Variants in NUP214 observed in about 807,000 individuals in gnomAD.
NUP214 encodes nuclear pore complex protein Nup214.
Under a neutral mutation model 196.2 loss-of-function variants are expected in NUP214, and 79 were observed. That is an observed-to-expected ratio of 0.40 (90% CI 0.34 to 0.49). The LOEUF is 0.49. NUP214 is among the 20% of genes least tolerant of loss of function. The pLI is 0.58. For synonymous variants in NUP214, 1,020 were observed against 990.5 expected (o/e 1.03, Z -0.56); for missense variants, 2,468 against 2,539.0 (o/e 0.97, Z 0.60).
intron 27 of NUP214, 62 bp downstream of exon 27, chr9:131,192,354 A>G (rs1833631254): frequency 1.0e-6 from 1 of 955,006 alleles, no homozygotes; most frequent in South Asian, 1.5e-5. Flanking sequence ...AAATCTTACA[A>G]TTATAGATAT....
At chr9:131,163,665 ATGT>A (rs1832707537) in intron 19 of NUP214, among the ~76,000 whole-genome samples, 2 of 152,154 alleles carry the variant, frequency 1.3e-5, no homozygotes, top group Non-Finnish European at 2.9e-5. Context: ...AGGCACCATC[ATGT>A]TGTGTTTGAG....
chr9:131,150,283 G>A, intron 14 of NUP214, 41 bp from the exon 15 acceptor site: 1 of 1,561,874 alleles, frequency 6.4e-7, no homozygotes, highest in Non-Finnish European at 8.8e-7. Context: ...GCTTGTAGAA[G>A]CTATGACTTG....
At chr9:131,180,036 T>C (rs1406335424) in intron 24 of NUP214, among the ~76,000 whole-genome samples, 6 of 152,252 alleles carry the variant, frequency 3.9e-5, no homozygotes. Flanking sequence ...GAGAAGCACC[T>C]TTTGGAGATT....
chr9:131,228,374 C>A (rs12551337), intron 33 of NUP214, 43 bp downstream of exon 33: 1 of 1,546,860 alleles, frequency 6.5e-7, no homozygotes, highest in Non-Finnish European at 8.7e-7. Flanking sequence ...ACACGCCAGC[C>A]AAAAAGCACT....
chr9:131,225,927 C>G (rs146240903), intron 32 of NUP214, among the ~76,000 whole-genome samples: 1 of 152,316 alleles, frequency 6.6e-6, no homozygotes, highest in East Asian at 1.9e-4. Context: ...GTGGGATGGA[C>G]TGAAGATGGC....
Position 131,150,601 on chromosome 9 carries a change from T to C in NUP214, c.2128-15T>C, listed in dbSNP as rs377525551. The C allele has an allele frequency of 4.8e-5, 77 of 1,609,534 alleles. No homozygotes were observed. The African/African-American group carries it at 7.5e-4, about 16-fold the overall frequency. ...TCCTTCAGACTGAGTAGTTCCTCAC[T>C]TGTGGCTTCTACAGATTGCACACTT... On this transcript the variant is annotated splice_polypyrimidine_tract_variant and intron_variant, in intron 15 of 35. Transcript: ENST00000359428.
chr9:131,216,070 T>C (rs1241909065), intron 31 of NUP214, among the ~76,000 whole-genome samples: 1 of 151,806 alleles, frequency 6.6e-6, no homozygotes, highest in Non-Finnish European at 1.5e-5. Flanking sequence ...GCCTGGCTGA[T>C]TTTTATATTT....
At chr9:131,178,680 G>A (rs550518771) in intron 24 of NUP214, among the ~76,000 whole-genome samples, 5 of 149,388 alleles carry the variant, frequency 3.3e-5, no homozygotes, top group Non-Finnish European at 4.4e-5. Flanking sequence ...TCTCTGTGTG[G>A]TACACATTAG....
chr9:131,209,986 G>T (rs1588169426), intron 30 of NUP214, among the ~76,000 whole-genome samples: 1 of 152,144 alleles, frequency 6.6e-6, no homozygotes, highest in African/African-American at 2.4e-5. Context: ...CTAACCAGAG[G>T]TGAGCTCAGT....
intron 12 of NUP214, among the ~76,000 whole-genome samples, chr9:131,145,517 T>G (rs1389731565): frequency 1.3e-5 from 2 of 152,216 alleles, no homozygotes; most frequent in Non-Finnish European, 2.9e-5. Flanking sequence ...AATACTGAAT[T>G]GGCACACATC....
intron 9 of NUP214, chr9:131,136,639 A>G (rs1226947876): frequency 6.6e-6 from 1 of 152,226 alleles, no homozygotes; most frequent in East Asian, 1.9e-4. Context: ...TATGAAAGAA[A>G]AACATGCAGA....
chr9:131,228,199 CT>C lies in NUP214; in HGVS notation c.5946del (p.Phe1982LeufsTer161). On this transcript the variant is annotated frameshift_variant, in exon 33 of 36. Coordinates refer to ENST00000359428, the MANE Select transcript of NUP214 (RefSeq NM_005085.4). LOFTEE classifies it high-confidence loss of function. ...GCTCCAGTGTTTGGCAGCCCTCCTA[CT>C]TTTGGGGGATCCCCTGGGTTTGGAG... ...GAAPVFGSPP[T>X]FGGSPGFGGV... 4 of 1,603,816 alleles carry C rather than the reference CT, an allele frequency of 2.5e-6. No homozygotes were observed. Among genetic ancestry groups the C allele is most frequent in the Non-Finnish European group, 3.4e-6 (4 of 1,176,084 alleles).
At position 131,150,500 on chromosome 9, in the gene NUP214, A is replaced by G. The variant is rs929158632; in HGVS notation, c.2127+90A>G. 11 of 1,569,608 alleles carry G rather than the reference A, an allele frequency of 7.0e-6. No homozygotes were observed. In the African/African-American group the frequency reaches 1.4e-4, roughly 19 times the overall value. The stretch of plus-strand genomic sequence containing the variant: ...CAACCCCTGTATGACTAGTTAGTTC[A>G]TTCTAGCGCTGAAGCATGGCCCATC... On this transcript the variant is annotated intron_variant, in intron 15 of 35. Transcript: ENST00000359428.
At chr9:131,166,759 CT>C (rs1016034388) in intron 21 of NUP214, among the ~76,000 whole-genome samples, 129 of 147,770 alleles carry the variant, frequency 8.7e-4, no homozygotes, top group East Asian at 7.3e-3. Context: ...TTGCCTTTGC[CT>C]TTTTTTTTTA....
chr9:131,166,790 T>A (rs190824871), intron 21 of NUP214, among the ~76,000 whole-genome samples: 5 of 152,286 alleles, frequency 3.3e-5, no homozygotes, highest in Admixed American at 3.3e-4. Context: ...TTTTTGTTAT[T>A]TTTAATTTAT....
intron 26 of NUP214, chr9:131,190,172 G>T (rs1002626843): frequency 3.8e-5 from 13 of 343,690 alleles, no homozygotes; most frequent in Admixed American, 9.6e-5. Context: ...ATGAGAAGGA[G>T]GTATCTAGCA....
At position 131,228,108 on chromosome 9, in the gene NUP214, TCTC is replaced by T. The variant is rs527248978; in HGVS notation, c.5903-46_5903-44del. The T allele has an allele frequency of 1.0e-5, 15 of 1,476,720 alleles. No homozygotes were observed. In the African/African-American group the frequency reaches 2.0e-4, roughly 20 times the overall value. 91.5% of individuals were successfully genotyped at this position (1,476,720 alleles called of 1,614,324 possible). A position where few individuals can be genotyped will look rare whatever the true frequency, so the allele number is the denominator to read the frequency against. Reference sequence around the variant, plus strand: ...CATTGCTCAATGTCTTCTCTTCCTGTCTCCTCCTTTCTTTCTCCCTATTTCTGT... The same window carrying T: ...CATTGCTCAATGTCTTCTCTTCCTGTCTCCTTTCTTTCTCCCTATTTCTGT... On this transcript the variant is annotated intron_variant, in intron 32 of 35. Coordinates refer to ENST00000359428, the MANE Select transcript of NUP214 (RefSeq NM_005085.4).
In NUP214 at chr9:131,197,604, A is replaced by G. The variant is rs749598513; in HGVS notation, c.4110A>G (p.Ser1370=). The change falls in exon 29 of 36, where the codon TCA becomes TCG. Residue 1370 remains serine (S), a synonymous_variant. Coordinates refer to ENST00000359428, the MANE Select transcript of NUP214 (RefSeq NM_005085.4). ...CAACCAAGACGTCAGGCGTGCCCTC[A>G]GGGTTTAATTTTACTGCCCCCCCGG... ...TQPTKTSGVP[S]GFNFTAPPVL... is the part of the protein sequence containing the mutation. 6.2e-7 allele frequency: 1 copy of G among 1,614,166 alleles called. No homozygotes were observed. Among genetic ancestry groups the G allele is most frequent in the South Asian group, 1.1e-5 (1 of 91,082 alleles).
intron 35 of NUP214, 23 bp from the exon 36 acceptor site, chr9:131,233,431 C>T (rs753956745): frequency 2.5e-6 from 4 of 1,599,698 alleles, no homozygotes; most frequent in Non-Finnish European, 3.4e-6. Context: ...CTGACTCCAC[C>T]ACTGTCCTGT....
Sources: gnomAD v4.1 joint callset for allele counts (sites outside exome capture counted in the v4.1 genomes callset) on GRCh38, gnomAD v4.1.1 for gene constraint, MANE v1.5 for transcripts, NCBI Gene and HGNC (gene_info 2026-07-23, HGNC 2026-07-21) for gene names.